Variants in SLC15A5 observed in about 807,000 individuals in gnomAD.
The protein encoded by SLC15A5 is solute carrier family 15 member 5.
SLC15A5 carries 58 observed loss-of-function variants against 56.1 expected under a neutral mutation model. The ratio of observed to expected loss-of-function variants is 1.03; its 90% CI spans 0.84 to 1.29. SLC15A5 has a LOEUF of 1.29. Ranked by LOEUF, SLC15A5 falls within the 50% of genes most tolerant of loss-of-function variation. The probability of loss-of-function intolerance (pLI) is 0.00; values close to 1 mark genes in which losing one functional copy is unlikely to be tolerated. For synonymous variants in SLC15A5, 264 were observed against 250.5 expected, an observed-to-expected ratio of 1.05 and a Z score of -0.51; for missense variants, 681 against 672.1, an observed-to-expected ratio of 1.01 and a Z score of -0.15.
In SLC15A5 at chr12:16,189,752, A is replaced by C; in HGVS notation, c.1656T>G (p.Leu552=). 1 of 1,530,460 alleles carries C rather than the reference A, an allele frequency of 6.5e-7. No individual in the cohort carries two copies. The highest frequency in any genetic ancestry group is 8.7e-7 in the Non-Finnish European group (1 of 1,143,408). 94.8% of individuals were successfully genotyped at this position (1,530,460 alleles called of 1,614,324 possible). ...ATTTCAGAGATTTTTCGTGGAGGAG[A>C]AGTGTTTCTTCAAGATTACTTCCAC... The part of the protein sequence containing the change: ...NIRGSNLEET[L]LLHEKSLKFY... Residue 552 remains leucine, a synonymous_variant, in exon 9 of 9, where the codon CTT becomes CTG. Transcript: ENST00000344941.
At chr12:16,257,932 A>G in intron 2 of SLC15A5, 62 bp from the exon 3 acceptor site, 1 of 1,270,596 alleles carries the variant, frequency 7.9e-7, no homozygotes, top group Non-Finnish European at 1.0e-6. Context: ...AACTATTGCT[A>G]ATTTTAATGC....
In SLC15A5 at chr12:16,271,599, A is replaced by AAGAC. The variant is rs111959443; in HGVS notation, c.584+961_584+962insGTCT. Reference sequence around the variant, plus strand: ...GGAGCAAGAGAAAGAAAAAGAAAGAAAGAGAAAAGAGGAACTGCCTCGGAT... The same window carrying AAGAC: ...GGAGCAAGAGAAAGAAAAAGAAAGAAAGACAGAGAAAAGAGGAACTGCCTCGGAT... On this transcript the variant is annotated intron_variant, in intron 2 of 8. Coordinates refer to ENST00000344941, the MANE Select transcript of SLC15A5 (RefSeq NM_001170798.1). The surrounding 1 kb of genome is among the most constrained non-coding windows in gnomAD (Gnocchi z 8.0). Among the ~76,000 whole-genome samples, 515 of 152,044 alleles carry AAGAC rather than the reference A, an allele frequency of 3.4e-3. 1 individual carries two copies. Among genetic ancestry groups the AAGAC allele is most frequent in the Middle Eastern group, 3.4e-3 (1 of 294 alleles).
Position 16,235,344 on chromosome 12 carries a change from G to GTATATATGTATATGTATATGTACATAT in SLC15A5, c.1162+4336_1162+4337insATATGTACATATACATATACATATATA, listed in dbSNP as rs1864342940. 6.7e-6 allele frequency among the ~76,000 whole-genome samples: 1 copy of GTATATATGTATATGTATATGTACATAT among 149,184 alleles called. No individual in the cohort carries two copies. Among genetic ancestry groups the GTATATATGTATATGTATATGTACATAT allele is most frequent in the African/African-American group, 2.5e-5 (1 of 40,730 alleles). ...TGTATATGTATATGTACATATATAT[G>GTATATATGTATATGTATATGTACATAT]ACCTTCTATCTTTTGTTTCTCTGTA... is the stretch of plus-strand genomic sequence containing the variant. On this transcript the variant is annotated intron_variant, in intron 5 of 8. Coordinates refer to ENST00000344941, the MANE Select transcript of SLC15A5 (RefSeq NM_001170798.1). The surrounding 1 kb of genome is among the most constrained non-coding windows in gnomAD (Gnocchi z 4.1).
At chr12:16,208,095 A>G (rs912272134) in intron 7 of SLC15A5, among the ~76,000 whole-genome samples, 1 of 113,178 alleles carries the variant, frequency 8.8e-6, no homozygotes, top group African/African-American at 3.0e-5. Context: ...CTCATTAAAA[A>G]ACATGGGGGG....
chr12:16,247,616 A>G (rs936163130), intron 3 of SLC15A5, among the ~76,000 whole-genome samples: 11 of 152,072 alleles, frequency 7.2e-5, no homozygotes, highest in Non-Finnish European at 1.6e-4. Context: ...AAATGACTAG[A>G]AACAGGCAAA....
chr12:16,198,578 T>A (rs1863918711), intron 7 of SLC15A5, among the ~76,000 whole-genome samples: 1 of 152,122 alleles, frequency 6.6e-6, no homozygotes, highest in Non-Finnish European at 1.5e-5. Context: ...AACTACCACT[T>A]TTATGACTTT....
At chr12:16,250,981 T>C (rs1864513575) in intron 3 of SLC15A5, among the ~76,000 whole-genome samples, 1 of 151,910 alleles carries the variant, frequency 6.6e-6, no homozygotes, top group Non-Finnish European at 1.5e-5. Context: ...GTGTGATAAA[T>C]AGGGAATAAT....
intron 8 of SLC15A5, among the ~76,000 whole-genome samples, chr12:16,193,761 G>A (rs1863861513): frequency 8.4e-6 from 1 of 119,366 alleles, no homozygotes; most frequent in African/African-American, 3.3e-5. Context: ...GTACACAGCT[G>A]TCCAAGAATA....
At chr12:16,267,733 C>CA (rs1565675239) in intron 2 of SLC15A5, among the ~76,000 whole-genome samples, 2 of 27,514 alleles carry the variant, frequency 7.3e-5, no homozygotes, top group African/African-American at 1.5e-4. Flanking sequence ...CACCCCCCAC[C>CA]TTTTTTTTTT....
intron 2 of SLC15A5, among the ~76,000 whole-genome samples, chr12:16,267,415 G>A (rs1864707832): frequency 8.6e-6 from 1 of 115,758 alleles, no homozygotes; most frequent in African/African-American, 3.4e-5. Flanking sequence ...AGAATATTCT[G>A]GCAGCCAAAT....
chr12:16,245,710 A>G (rs954202921), intron 3 of SLC15A5, among the ~76,000 whole-genome samples: 1 of 152,228 alleles, frequency 6.6e-6, no homozygotes, highest in Non-Finnish European at 1.5e-5. Context: ...TGCCAGGTAA[A>G]TGGCATAATA....
intron 2 of SLC15A5, among the ~76,000 whole-genome samples, chr12:16,263,986 G>T (rs899963217): frequency 3.3e-5 from 5 of 152,226 alleles, no homozygotes; most frequent in African/African-American, 1.2e-4. Context: ...CAGAAATGTG[G>T]GATCAGAGCA....
intron 5 of SLC15A5, among the ~76,000 whole-genome samples, chr12:16,234,040 A>G (rs1864324187): frequency 6.6e-6 from 1 of 152,210 alleles, no homozygotes; most frequent in African/African-American, 2.4e-5. Flanking sequence ...TAAAGAATAG[A>G]AATTTCTTTT....
Position 16,239,568 on chromosome 12 carries a change from A to T in SLC15A5, c.1162+113T>A, listed in dbSNP as rs887961700. The T allele has an allele frequency of 2.6e-5, 28 of 1,065,466 alleles. No homozygotes were observed. In the African/African-American group the frequency reaches 4.2e-4, roughly 16 times the overall value. The allele number at this position is 1,065,466 out of a possible 1,614,324, so 66.0% of individuals were successfully genotyped here. ...TCAGTCACAAATTCACCTGTTTTCCATATTATCAAAATCTGACACTACTCA... is the reference window on the plus strand; with the variant it reads ...TCAGTCACAAATTCACCTGTTTTCCTTATTATCAAAATCTGACACTACTCA... On this transcript the variant is annotated intron_variant, in intron 5 of 8. Transcript: ENST00000344941.
chr12:16,258,990 C>CTTTTTTT (rs35905307), intron 2 of SLC15A5, among the ~76,000 whole-genome samples: 21 of 118,428 alleles, frequency 1.8e-4, no homozygotes, highest in Middle Eastern at 4.8e-3. Context: ...TCTTCTTTTT[C>CTTTTTTT]TTTTTTTTTT....
At chr12:16,257,026 AAAAC>A (rs1323045902) in intron 3 of SLC15A5, among the ~76,000 whole-genome samples, 9 of 152,032 alleles carry the variant, frequency 5.9e-5, no homozygotes, top group African/African-American at 1.2e-4. Context: ...ATAAAACAAA[AAAAC>A]AAATTTCAAA....
At chr12:16,225,410 TA>T (rs1425051832) in intron 5 of SLC15A5, among the ~76,000 whole-genome samples, 1 of 152,130 alleles carries the variant, frequency 6.6e-6, no homozygotes, top group Non-Finnish European at 1.5e-5. Context: ...ACTTCATGTC[TA>T]AAACACCAAA....
chr12:16,241,155 G>A lies in SLC15A5; in HGVS notation c.976-1288C>T, dbSNP rs190570583. ...GCGCATAGTATTTCTTTAATTCCCA[G>A]TGGTACACAAAGCTATTGAGTGTCA... On this transcript the variant is annotated intron_variant, in intron 4 of 8. Coordinates refer to ENST00000344941, the MANE Select transcript of SLC15A5 (RefSeq NM_001170798.1). Among the ~76,000 whole-genome samples, 496 of 152,146 alleles carry A rather than the reference G, an allele frequency of 3.3e-3. 4 individuals carry two copies. Among genetic ancestry groups the A allele is most frequent in the African/African-American group, 0.011 (472 of 41,512 alleles).
chr12:16,277,628 C>T lies in SLC15A5; in HGVS notation c.58G>A (p.Glu20Lys). Residue 20 changes from glutamate (E) to lysine (K), a missense_variant, in exon 1 of 9, where the codon GAG (glutamate) becomes AAG (lysine). Glu to Lys is a moderately conservative substitution (Grantham distance 56). Transcript: ENST00000344941. ...ATATGTCTTACAGTTTTCTCCTTCT[C>T]AATGCTGTGATATAAGTGTACTTTC... Reference protein sequence around the residue: ...DEKVHLYHSIEKEKTVRHIGD... With the variant: ...DEKVHLYHSIKKEKTVRHIGD... 1 of 1,536,196 alleles carries T rather than the reference C, an allele frequency of 6.5e-7. No individual in the cohort carries two copies. Among genetic ancestry groups the T allele is most frequent in the Non-Finnish European group, 8.7e-7 (1 of 1,146,246 alleles).
Sources: allele counts gnomAD v4.1 joint callset (sites outside exome capture counted in the v4.1 genomes callset), GRCh38; gene constraint gnomAD v4.1.1; non-coding constraint Gnocchi (gnomAD v3.1); transcripts MANE v1.5; gene names NCBI Gene and HGNC (gene_info 2026-07-23, HGNC 2026-07-21).